Variants in TMPRSS11A observed in about 807,000 individuals in gnomAD.
The protein encoded by TMPRSS11A is transmembrane serine protease 11A.
In TMPRSS11A, 53 loss-of-function variants were observed where a neutral mutation model predicts 58.9. The observed-to-expected ratio is 0.90, with a 90% CI of 0.72 to 1.13. TMPRSS11A has a LOEUF of 1.13. Ranked by LOEUF, TMPRSS11A falls within the 50% of genes most tolerant of loss-of-function variation. The probability of loss-of-function intolerance (pLI) is 0.00; values close to 1 mark genes in which losing one functional copy is unlikely to be tolerated. For synonymous variants in TMPRSS11A, 167 were observed against 169.8 expected (o/e 0.98, Z 0.13); for missense variants, 493 against 499.3 (o/e 0.99, Z 0.12).
intron 3 of TMPRSS11A, among the ~76,000 whole-genome samples, chr4:67,935,257 T>A (rs964618605): frequency 6.6e-6 from 1 of 152,182 alleles, no homozygotes; most frequent in African/African-American, 2.4e-5. Context: ...CCTGGCTCCA[T>A]CTTCAACACC....
rs199560306 is a variant in TMPRSS11A at position 67,963,390 on chromosome 4, T to C, written c.4A>G (p.Met2Val). The C allele has an allele frequency of 7.8e-5, 126 of 1,613,566 alleles. No homozygotes were observed. Among genetic ancestry groups the C allele is most frequent in the Admixed American group, 6.7e-5 (4 of 59,894 alleles). The part of the protein sequence containing the change: M[M>V]YRTVGFGTRS... ...AAACAGAACTGAACTTACCGATACATCATGTACAGGAGGAAGAATATGATC... is the reference window on the plus strand; with the variant it reads ...AAACAGAACTGAACTTACCGATACACCATGTACAGGAGGAAGAATATGATC... Residue 2 changes from methionine (M) to valine (V), a missense_variant, in exon 1 of 10, where the codon ATG (methionine) becomes GTG (valine). Transcript: ENST00000508048.
chr4:67,936,794 G>T (rs1720765558), intron 3 of TMPRSS11A, among the ~76,000 whole-genome samples: 1 of 152,110 alleles, frequency 6.6e-6, no homozygotes, highest in African/African-American at 2.4e-5. Context: ...AATATTTATA[G>T]AATTTAAAGA....
chr4:67,948,365 A>T (rs776744955), intron 1 of TMPRSS11A, among the ~76,000 whole-genome samples: 1 of 151,972 alleles, frequency 6.6e-6, no homozygotes, highest in Non-Finnish European at 1.5e-5. Flanking sequence ...TCATGGTGTT[A>T]GCCAGGATGG....
chr4:67,931,603 C>T (rs1577859720), intron 4 of TMPRSS11A, among the ~76,000 whole-genome samples: 1 of 152,068 alleles, frequency 6.6e-6, no homozygotes, highest in South Asian at 2.1e-4. Flanking sequence ...GCCAAGTTTG[C>T]CTGCTTAACG....
chr4:67,944,425 G>A, intron 3 of TMPRSS11A, 94 bp downstream of exon 3: 1 of 1,398,302 alleles, frequency 7.2e-7, no homozygotes. Flanking sequence ...AATGTTGGCG[G>A]TCTGAAAATC....
chr4:67,963,081 C>CA (rs1323034152), intron 1 of TMPRSS11A, among the ~76,000 whole-genome samples: 2 of 152,098 alleles, frequency 1.3e-5, no homozygotes, highest in Non-Finnish European at 2.9e-5. Context: ...TCCACACACA[C>CA]AAAAAAATCA....
At chr4:67,941,921 C>T (rs59758356) in intron 3 of TMPRSS11A, among the ~76,000 whole-genome samples, 2,555 of 152,214 alleles carry the variant, frequency 0.017, 67 homozygotes, top group African/African-American at 0.058. Context: ...AAGAACAACA[C>T]GGTCCATATT....
At chr4:67,946,849 A>G (rs1258665027) in intron 1 of TMPRSS11A, among the ~76,000 whole-genome samples, 1 of 152,172 alleles carries the variant, frequency 6.6e-6, no homozygotes, top group East Asian at 1.9e-4. Flanking sequence ...CCAAGGTGGC[A>G]TACATGCTTG....
Position 67,946,480 on chromosome 4 carries a change from T to A in TMPRSS11A, c.103A>T (p.Ile35Leu), listed in dbSNP as rs1237861959. Reference sequence around the variant, plus strand: ...ACTAGGAAGTGAACCAGGAGACCTATGGTCACTGCCACCACTGTCAGGGAC... The same window carrying A: ...ACTAGGAAGTGAACCAGGAGACCTAAGGTCACTGCCACCACTGTCAGGGAC... Reference protein sequence around the residue: ...VLSLTVVAVTIGLLVHFLVFD... With the variant: ...VLSLTVVAVTLGLLVHFLVFD... The change falls in exon 2 of 10, where the codon ATA becomes TTA. Residue 35 changes from isoleucine (I) to leucine (L), a missense_variant. Ile to Leu is a conservative substitution (Grantham distance 5). Transcript: ENST00000508048. The A allele has an allele frequency of 3.1e-6, 5 of 1,608,498 alleles. No individual in the cohort carries two copies. In the Admixed American group the frequency reaches 8.5e-5, roughly 27 times the overall value.
intron 5 of TMPRSS11A, among the ~76,000 whole-genome samples, chr4:67,929,132 T>C (rs1720546772): frequency 6.6e-6 from 1 of 152,264 alleles, no homozygotes; most frequent in African/African-American, 2.4e-5. Flanking sequence ...TCCTTTTAAT[T>C]ACTGAATTCC....
intron 1 of TMPRSS11A, among the ~76,000 whole-genome samples, chr4:67,950,837 G>A (rs1333735907): frequency 2.6e-5 from 4 of 152,220 alleles, no homozygotes; most frequent in Admixed American, 6.5e-5. Context: ...CAAAGTAAGT[G>A]CTTAAAAATT....
chr4:67,941,527 C>A (rs1290861910), intron 3 of TMPRSS11A, among the ~76,000 whole-genome samples: 2 of 152,166 alleles, frequency 1.3e-5, no homozygotes, highest in Non-Finnish European at 2.9e-5. Flanking sequence ...TTACTCACAT[C>A]TTTCCAAAAA....
At chr4:67,936,499 G>A (rs1036656676) in intron 3 of TMPRSS11A, among the ~76,000 whole-genome samples, 3 of 152,120 alleles carry the variant, frequency 2.0e-5, no homozygotes, top group African/African-American at 7.2e-5. Flanking sequence ...ATTGGAGAAA[G>A]CAGTTGGATC....
At chr4:67,920,774 T>TCTAGCA (rs770483503) in intron 7 of TMPRSS11A, among the ~76,000 whole-genome samples, 112 of 152,104 alleles carry the variant, frequency 7.4e-4, no homozygotes, top group South Asian at 1.9e-3. Context: ...ATCCTCTCCC[T>TCTAGCA]CTAGCACTCT....
chr4:67,956,933 G>A (rs889520759), intron 1 of TMPRSS11A, among the ~76,000 whole-genome samples: 1 of 152,184 alleles, frequency 6.6e-6, no homozygotes, highest in African/African-American at 2.4e-5. Context: ...GAATCATGGA[G>A]GTGGGTCTTT....
At chr4:67,944,487 T>A (rs768696132) in intron 3 of TMPRSS11A, 32 bp downstream of exon 3, 1 of 1,596,758 alleles carries the variant, frequency 6.3e-7, no homozygotes, top group Non-Finnish European at 8.5e-7. Flanking sequence ...ACTTGCATTA[T>A]TCTATGATAA....
intron 7 of TMPRSS11A, among the ~76,000 whole-genome samples, chr4:67,919,471 C>T (rs940587804): frequency 2.0e-5 from 3 of 152,046 alleles, no homozygotes; most frequent in Non-Finnish European, 4.4e-5. Context: ...AACTGTAATA[C>T]ACATAAAATA....
At chr4:67,942,817 GAT>G (rs1720910982) in intron 3 of TMPRSS11A, among the ~76,000 whole-genome samples, 1 of 152,044 alleles carries the variant, frequency 6.6e-6, no homozygotes, top group African/African-American at 2.4e-5. Context: ...AAATATGGAA[GAT>G]ACACACTATG....
intron 5 of TMPRSS11A, among the ~76,000 whole-genome samples, chr4:67,929,663 C>T (rs1720560176): frequency 6.6e-6 from 1 of 152,148 alleles, no homozygotes; most frequent in Non-Finnish European, 1.5e-5. Context: ...GGGATGAGTG[C>T]CAATCAATTA....
Sources: gnomAD v4.1 joint callset for allele counts (sites outside exome capture counted in the v4.1 genomes callset) on GRCh38, gnomAD v4.1.1 for gene constraint, MANE v1.5 for transcripts, NCBI Gene and HGNC (gene_info 2026-07-23, HGNC 2026-07-21) for gene names.